Variants in CRIPTO observed in about 807,000 individuals in gnomAD.
The protein encoded by CRIPTO is cripto, EGF-CFC family member, also known as protein Cripto.
At chr3:46,580,533 C>T in the CRIPTO span, among the ~76,000 whole-genome samples, 7 of 142,052 alleles carry the variant, frequency 4.9e-5, no homozygotes, top group African/African-American at 1.7e-4. Context: ...CCTCCCCATA[C>T]CTTACCATGA....
chr3:46,579,120 A>G, the CRIPTO span: 239 of 1,614,176 alleles, frequency 1.5e-4, 4 homozygotes, highest in South Asian at 2.2e-3. Context: ...GGCCATTTCT[A>G]AAGTCTTTGA....
At chr3:46,579,681 G>T in the CRIPTO span, 7 of 1,557,532 alleles carry the variant, frequency 4.5e-6, no homozygotes, top group East Asian at 1.3e-4. Flanking sequence ...TCGCTTACAG[G>T]AATTGCCCTT....
the CRIPTO span, chr3:46,581,802 T>C: frequency 0.039 from 9,583 of 246,944 alleles, 381 homozygotes; most frequent in East Asian, 0.16. Context: ...TGAGCAACTG[T>C]GCAAGGCCTG....
chr3:46,580,965 T>C, the CRIPTO span, among the ~76,000 whole-genome samples: 11 of 152,218 alleles, frequency 7.2e-5, no homozygotes, highest in East Asian at 1.9e-3. Context: ...TCTAACCAGG[T>C]TGTGCTCATT....
the CRIPTO span, chr3:46,581,704 G>T: frequency 4.4e-6 from 2 of 456,862 alleles, no homozygotes; most frequent in South Asian, 8.2e-5. Flanking sequence ...TAGAGATGGG[G>T]GTTTCACCAT....
chr3:46,579,353 G>A, the CRIPTO span: 8 of 1,614,114 alleles, frequency 5.0e-6, no homozygotes, highest in Non-Finnish European at 6.8e-6. Context: ...TGCCGCCCAT[G>A]GGGATACAGC....
At chr3:46,582,301 T>A in the CRIPTO span, 2 of 152,234 alleles carry the variant, frequency 1.3e-5, no homozygotes, top group Non-Finnish European at 2.9e-5. Context: ...AAATTGTGTT[T>A]CCTCCAAGCT....
chr3:46,576,480 CAAAAAAAAA>C, the CRIPTO span, among the ~76,000 whole-genome samples: 19 of 55,044 alleles, frequency 3.5e-4, no homozygotes, highest in Admixed American at 1.4e-3. Context: ...GACTCTGTCG[CAAAAAAAAA>C]AAAAAAAAAA....
chr3:46,580,803 C>A, the CRIPTO span, among the ~76,000 whole-genome samples: 72 of 152,306 alleles, frequency 4.7e-4, no homozygotes, highest in African/African-American at 1.5e-3. Context: ...TCACTGAGAA[C>A]AGGAAGGAAT....
the CRIPTO span, chr3:46,580,167 G>A: frequency 6.8e-7 from 1 of 1,467,674 alleles, no homozygotes; most frequent in Non-Finnish European, 9.4e-7. Context: ...GCTAGAGCCT[G>A]GCAGCCAAAG....
chr3:46,575,578 T>C, the CRIPTO span, among the ~76,000 whole-genome samples: 2 of 152,318 alleles, frequency 1.3e-5, no homozygotes, highest in South Asian at 4.1e-4. Flanking sequence ...GTCCCGTCAA[T>C]GACAACATCG....
chr3:46,579,417 C>T, the CRIPTO span: 1 of 1,613,706 alleles, frequency 6.2e-7, no homozygotes, highest in Non-Finnish European at 8.5e-7. Context: ...CATGTGTCTC[C>T]TGAGTATCTT....
chr3:46,581,154 C>G, the CRIPTO span: 1 of 1,614,038 alleles, frequency 6.2e-7, no homozygotes, highest in Non-Finnish European at 8.5e-7. Context: ...TGGATGAGCA[C>G]CTCGTGGCTT....
the CRIPTO span, chr3:46,579,680 G>C: frequency 6.4e-7 from 1 of 1,556,264 alleles, no homozygotes; most frequent in Non-Finnish European, 8.9e-7. Context: ...TTCGCTTACA[G>C]GAATTGCCCT....
chr3:46,575,924 A>G, the CRIPTO span, among the ~76,000 whole-genome samples: 1 of 152,238 alleles, frequency 6.6e-6, no homozygotes, highest in Non-Finnish European at 1.5e-5. Flanking sequence ...CTCCAGGGCT[A>G]GCCTTCTCCT....
chr3:46,580,135 C>G, the CRIPTO span: 1 of 1,593,536 alleles, frequency 6.3e-7, no homozygotes, highest in East Asian at 2.2e-5. Flanking sequence ...AGTTAGCAGG[C>G]TCTCCTTGTA....
chr3:46,574,925 C>T, the CRIPTO span, among the ~76,000 whole-genome samples: 1 of 152,176 alleles, frequency 6.6e-6, no homozygotes, highest in Non-Finnish European at 1.5e-5. Context: ...GTCTCAAGGG[C>T]AGTACCAAGA....
At chr3:46,579,295 T>C in the CRIPTO span, 1 of 1,614,210 alleles carries the variant, frequency 6.2e-7, no homozygotes, top group Non-Finnish European at 8.5e-7. Flanking sequence ...GATGACAGCA[T>C]TTGGCCCCAG....
the CRIPTO span, chr3:46,580,049 T>G: frequency 6.2e-7 from 1 of 1,614,290 alleles, no homozygotes; most frequent in Non-Finnish European, 8.5e-7. Flanking sequence ...CAGGCATTTC[T>G]ACCCGGCTGT....
Sources: allele counts gnomAD v4.1 joint callset (sites outside exome capture counted in the v4.1 genomes callset), GRCh38; gene constraint gnomAD v4.1.1; transcripts MANE v1.5; gene names NCBI Gene and HGNC (gene_info 2026-07-23, HGNC 2026-07-21).